SEMA6D: variants seen among roughly 807,000 people sequenced by gnomAD.
SEMA6D encodes semaphorin 6D, also known as semaphorin-6D.
SEMA6D carries 35 observed loss-of-function variants against 106.6 expected under a neutral mutation model. The observed-to-expected ratio is 0.33, with a 90% CI of 0.25 to 0.44. The LOEUF (loss-of-function observed/expected upper bound fraction) is 0.44, where lower values mean the gene tolerates loss of function less well. Among genes scored for constraint, SEMA6D ranks in the 20% least tolerant of loss-of-function variants. SEMA6D has a pLI of 1.00. For synonymous variants in SEMA6D, 499 were observed against 487.7 expected (o/e 1.02, Z -0.31); for missense variants, 1,185 against 1,345.9 (o/e 0.88, Z 1.87).
chr15:47,429,160 G>T (rs986874258), intron 2 of SEMA6D, among the ~76,000 whole-genome samples: 1 of 152,002 alleles, frequency 6.6e-6, no homozygotes, highest in African/African-American at 2.4e-5. Flanking sequence ...CCAGATGCAG[G>T]TACCTAGAGG....
At chr15:47,259,935 A>T (rs187787801) in intron 1 of SEMA6D, among the ~76,000 whole-genome samples, 1 of 149,616 alleles carries the variant, frequency 6.7e-6, no homozygotes, top group East Asian at 1.9e-4. Flanking sequence ...AATTATATTG[A>T]TCTGTCCTCA....
intron 1 of SEMA6D, among the ~76,000 whole-genome samples, chr15:47,309,833 G>A (rs2036376446): frequency 6.6e-6 from 1 of 152,140 alleles, no homozygotes; most frequent in South Asian, 2.1e-4. Context: ...TGTACTGAAT[G>A]GGAAAACAAT....
At chr15:47,529,603 T>A (rs1162446880) in intron 3 of SEMA6D, among the ~76,000 whole-genome samples, 10 of 135,732 alleles carry the variant, frequency 7.4e-5, no homozygotes, top group East Asian at 2.2e-4. Context: ...TCTGTAGCAC[T>A]AAAAAAAAAA....
At chr15:47,192,656 C>G (rs1328124165) in intron 1 of SEMA6D, among the ~76,000 whole-genome samples, 9 of 151,932 alleles carry the variant, frequency 5.9e-5, no homozygotes, top group Admixed American at 5.2e-4. Flanking sequence ...CAATACTGTA[C>G]AGAGTATATC....
At chr15:47,244,671 C>G (rs1362528678) in intron 1 of SEMA6D, among the ~76,000 whole-genome samples, 1 of 152,116 alleles carries the variant, frequency 6.6e-6, no homozygotes, top group African/African-American at 2.4e-5. Context: ...TGCCTGCCTA[C>G]CTGCCACAGC....
intron 1 of SEMA6D, among the ~76,000 whole-genome samples, chr15:47,205,671 A>C (rs534424761): frequency 2.0e-5 from 3 of 152,334 alleles, no homozygotes; most frequent in African/African-American, 7.2e-5. Context: ...AGCCACAGAT[A>C]TATTTATATG....
intron 1 of SEMA6D, among the ~76,000 whole-genome samples, chr15:47,289,379 G>A (rs1212805132): frequency 6.0e-5 from 6 of 99,560 alleles, no homozygotes; most frequent in Non-Finnish European, 9.0e-5. Context: ...GGGTGACAGA[G>A]CAAAACTCCA....
At chr15:47,502,899 G>T (rs1027348497) in intron 3 of SEMA6D, among the ~76,000 whole-genome samples, 1 of 152,294 alleles carries the variant, frequency 6.6e-6, no homozygotes, top group East Asian at 1.9e-4. Context: ...ATGAAAAACA[G>T]GGTAAACTGT....
intron 4 of SEMA6D, among the ~76,000 whole-genome samples, chr15:47,673,375 GAC>G (rs752722604): frequency 1.3e-5 from 2 of 152,104 alleles, no homozygotes; most frequent in Non-Finnish European, 2.9e-5. Flanking sequence ...GCTGAAATCT[GAC>G]AGAATCAACA....
At chr15:47,365,975 CAG>C (rs752478475) in intron 1 of SEMA6D, among the ~76,000 whole-genome samples, 175 of 151,328 alleles carry the variant, frequency 1.2e-3, no homozygotes, top group African/African-American at 4.2e-3. Flanking sequence ...AAGAAAGAAA[CAG>C]AACCTACCAC....
At chr15:47,395,269 T>A (rs886977212) in intron 1 of SEMA6D, among the ~76,000 whole-genome samples, 1 of 152,142 alleles carries the variant, frequency 6.6e-6, no homozygotes, top group African/African-American at 2.4e-5. Context: ...CAAAAACACT[T>A]CTGCTTTTGG....
At chr15:47,697,560 C>T (rs1381270793) in intron 4 of SEMA6D, among the ~76,000 whole-genome samples, 2 of 152,098 alleles carry the variant, frequency 1.3e-5, no homozygotes, top group African/African-American at 2.4e-5. Context: ...TTCTAAATTC[C>T]AATTATTTTT....
chr15:47,757,299 T>C lies in SEMA6D; in HGVS notation c.-54-2446T>C, dbSNP rs528988348. 2.0e-5 allele frequency among the ~76,000 whole-genome samples: 3 copies of C among 152,354 alleles called. No individual in the cohort carries two copies. The South Asian group carries it at 6.2e-4, about 32-fold the overall frequency. ...TCTACACTTCTTTGGGATTAATTGG[T>C]ATTTCTAATTATTTTTCCTGATATC... On this transcript the variant is annotated intron_variant, in intron 1 of 18. Coordinates refer to ENST00000536845, the MANE Select transcript of SEMA6D (RefSeq NM_001358351.3).
At chr15:47,744,662 A>G (rs1355903489) in intron 1 of SEMA6D, among the ~76,000 whole-genome samples, 1 of 152,116 alleles carries the variant, frequency 6.6e-6, no homozygotes, top group Non-Finnish European at 1.5e-5. Flanking sequence ...GTCCCTGTTC[A>G]AGGCATCAGT....
In SEMA6D at chr15:47,194,877, G is replaced by A. The variant is rs1007412124; in HGVS notation, c.-239+10459G>A. Among the ~76,000 whole-genome samples the A allele has an allele frequency of 2.6e-5, 4 of 152,212 alleles. No homozygotes were observed. The East Asian group carries it at 7.7e-4, about 29-fold the overall frequency. ...AAAGTATAAAGGCCTGGAAAGTTTT[G>A]TGTTGAATGATGTTCTCTTTGTCTT... On this transcript the variant is annotated intron_variant, in intron 1 of 19. Coordinates refer to the SEMA6D transcript ENST00000558014.
chr15:47,506,172 C>T (rs2044031370), intron 3 of SEMA6D, among the ~76,000 whole-genome samples: 1 of 152,142 alleles, frequency 6.6e-6, no homozygotes, highest in Non-Finnish European at 1.5e-5. Context: ...AATGTGTACT[C>T]TGGCCTCCAG....
chr15:47,537,989 G>C (rs1385479312), intron 3 of SEMA6D, among the ~76,000 whole-genome samples: 1 of 152,190 alleles, frequency 6.6e-6, no homozygotes, highest in African/African-American at 2.4e-5. Flanking sequence ...AAGTAACATG[G>C]CTGTGGGCAC....
intron 3 of SEMA6D, among the ~76,000 whole-genome samples, chr15:47,558,950 G>A (rs1041954854): frequency 6.6e-6 from 1 of 152,082 alleles, no homozygotes; most frequent in African/African-American, 2.4e-5. Context: ...GCAGAGTCTT[G>A]GAGCAGCGAT....
At chr15:47,404,083 C>T (rs982859176) in intron 1 of SEMA6D, among the ~76,000 whole-genome samples, 3 of 152,152 alleles carry the variant, frequency 2.0e-5, no homozygotes, top group Non-Finnish European at 2.9e-5. Flanking sequence ...AGAAAACATG[C>T]GTCTATCAGT....
Sources: gnomAD v4.1 joint callset for allele counts (sites outside exome capture counted in the v4.1 genomes callset) on GRCh38, gnomAD v4.1.1 for gene constraint, MANE v1.5 for transcripts, NCBI Gene and HGNC (gene_info 2026-07-23, HGNC 2026-07-21) for gene names.